AUTS2: variants seen among roughly 807,000 people sequenced by gnomAD.
AUTS2 encodes the protein activator of transcription and developmental regulator AUTS2, also known as autism susceptibility gene 2 protein.
Under a neutral mutation model 112.4 loss-of-function variants are expected in AUTS2, and 17 were observed. The ratio of observed to expected loss-of-function variants is 0.15; its 90% CI spans 0.10 to 0.23. The LOEUF (loss-of-function observed/expected upper bound fraction) is 0.23. AUTS2 is among the 10% of genes least tolerant of loss of function. The probability of loss-of-function intolerance (pLI) is 1.00; values close to 1 mark genes in which losing one functional copy is unlikely to be tolerated. For synonymous variants in AUTS2, 751 were observed against 702.7 expected (o/e 1.07, Z -1.09); for missense variants, 1,510 against 1,701.6 (o/e 0.89, Z 1.98).
At chr7:70,302,429 AG>A (rs1789260519) in intron 4 of AUTS2, among the ~76,000 whole-genome samples, 1 of 152,086 alleles carries the variant, frequency 6.6e-6, no homozygotes, top group African/African-American at 2.4e-5. Context: ...AGTGAGTCAT[AG>A]TTATACTAAA....
intron 1 of AUTS2, among the ~76,000 whole-genome samples, chr7:69,716,465 T>G (rs765886749): frequency 2.0e-5 from 3 of 152,124 alleles, no homozygotes; most frequent in African/African-American, 4.8e-5. Context: ...TTCTGAGAGA[T>G]AGTGAAAAAT....
intron 4 of AUTS2, among the ~76,000 whole-genome samples, chr7:70,270,929 A>G (rs758612157): frequency 3.9e-5 from 6 of 152,128 alleles, no homozygotes; most frequent in Non-Finnish European, 8.8e-5. Context: ...CTGAAGACAG[A>G]AGTCCTTGAG....
chr7:70,662,520 C>T (rs1481856144), intron 5 of AUTS2, among the ~76,000 whole-genome samples: 1 of 152,178 alleles, frequency 6.6e-6, no homozygotes, highest in Non-Finnish European at 1.5e-5. Flanking sequence ...GTAACTGTAT[C>T]TAGGGCCTGA....
At chr7:69,794,478 T>C (rs138124021) in intron 1 of AUTS2, among the ~76,000 whole-genome samples, 1 of 152,304 alleles carries the variant, frequency 6.6e-6, no homozygotes, top group Non-Finnish European at 1.5e-5. Context: ...TGCAGCTGCA[T>C]TCGTTTTGTG....
At chr7:70,205,348 T>C (rs1009029804) in intron 4 of AUTS2, among the ~76,000 whole-genome samples, 1 of 152,152 alleles carries the variant, frequency 6.6e-6, no homozygotes, top group Non-Finnish European at 1.5e-5. Context: ...GTCCCACCAA[T>C]CTATTATTAT....
At chr7:69,737,310 G>A (rs936373685) in intron 1 of AUTS2, among the ~76,000 whole-genome samples, 1 of 152,098 alleles carries the variant, frequency 6.6e-6, no homozygotes, top group Non-Finnish European at 1.5e-5. Context: ...ACCAAGTACT[G>A]TGCTAAGTGC....
intron 4 of AUTS2, among the ~76,000 whole-genome samples, chr7:70,355,665 A>G (rs1659286772): frequency 6.6e-6 from 1 of 152,160 alleles, no homozygotes; most frequent in African/African-American, 2.4e-5. Flanking sequence ...AGCAGAGTGT[A>G]TAATGGTGTT....
intron 2 of AUTS2, among the ~76,000 whole-genome samples, chr7:70,076,496 C>T (rs1022967362): frequency 6.6e-6 from 1 of 152,146 alleles, no homozygotes; most frequent in Non-Finnish European, 1.5e-5. Context: ...TAAGTGAGGA[C>T]TTACTGTAGT....
At chr7:70,027,456 C>G (rs945631019) in intron 2 of AUTS2, among the ~76,000 whole-genome samples, 12 of 152,168 alleles carry the variant, frequency 7.9e-5, no homozygotes, top group Non-Finnish European at 1.8e-4. Context: ...AAGTCTTCAT[C>G]CAGCCCCTAT....
Position 70,068,374 on chromosome 7 carries a change from C to T in AUTS2, c.523-49758C>T, listed in dbSNP as rs187813995. On this transcript the variant is annotated intron_variant, in intron 2 of 18. Coordinates refer to ENST00000342771, the MANE Select transcript of AUTS2 (RefSeq NM_015570.4). ...TTTTTTTTTGTATTTTTAGTGGAAA[C>T]GGAGTTTAACCGTGTTAGCCAGGAT... Among the ~76,000 whole-genome samples, 7 of 151,180 alleles carry T rather than the reference C, an allele frequency of 4.6e-5. No individual in the cohort carries two copies. In the East Asian group the frequency reaches 9.7e-4, roughly 21 times the overall value.
intron 1 of AUTS2, among the ~76,000 whole-genome samples, chr7:69,800,511 G>A (rs1436518596): frequency 1.3e-5 from 2 of 152,072 alleles, no homozygotes; most frequent in Non-Finnish European, 2.9e-5. Flanking sequence ...CACACTATTG[G>A]GGTGACATTG....
intron 5 of AUTS2, among the ~76,000 whole-genome samples, chr7:70,554,384 C>A (rs908827706): frequency 5.0e-5 from 7 of 140,654 alleles, no homozygotes; most frequent in African/African-American, 1.6e-4. Context: ...TTTTTCTTTT[C>A]TTTTCTTTCT....
At chr7:69,751,868 A>C (rs879272597) in intron 1 of AUTS2, among the ~76,000 whole-genome samples, 1 of 152,200 alleles carries the variant, frequency 6.6e-6, no homozygotes, top group African/African-American at 2.4e-5. Context: ...GATAGCTTGT[A>C]GTTAAAATAG....
chr7:69,805,000 A>G (rs1020514302), intron 1 of AUTS2, among the ~76,000 whole-genome samples: 1 of 152,198 alleles, frequency 6.6e-6, no homozygotes, highest in African/African-American at 2.4e-5. Flanking sequence ...AGCTTGTAAC[A>G]GTTGATATTT....
chr7:70,483,169 A>G (rs1248903840), intron 5 of AUTS2, among the ~76,000 whole-genome samples: 1 of 152,026 alleles, frequency 6.6e-6, no homozygotes, highest in Non-Finnish European at 1.5e-5. Context: ...GCCTTTTCCC[A>G]CCAGGGGAGC....
intron 5 of AUTS2, among the ~76,000 whole-genome samples, chr7:70,521,168 G>GA (rs1799629361): frequency 6.6e-6 from 1 of 152,138 alleles, no homozygotes; most frequent in Non-Finnish European, 1.5e-5. Context: ...GGAGAAAAAA[G>GA]ACCCCAGGCT....
chr7:70,571,867 A>G (rs955672385), intron 5 of AUTS2, among the ~76,000 whole-genome samples: 1 of 152,182 alleles, frequency 6.6e-6, no homozygotes. Flanking sequence ...TCTAGCAGCC[A>G]TCATGAGGTG....
chr7:70,440,536 G>A (rs1265369731), intron 5 of AUTS2, among the ~76,000 whole-genome samples: 1 of 152,146 alleles, frequency 6.6e-6, no homozygotes, highest in Non-Finnish European at 1.5e-5. Context: ...TGAAAAAAGA[G>A]GAAGACTAGC....
chr7:70,252,370 A>G (rs1396412855), intron 4 of AUTS2, among the ~76,000 whole-genome samples: 1 of 152,090 alleles, frequency 6.6e-6, no homozygotes, highest in East Asian at 1.9e-4. Flanking sequence ...GCATTTTTTC[A>G]TATGTCTGAT....
Sources: gnomAD v4.1 joint callset for allele counts (sites outside exome capture counted in the v4.1 genomes callset) on GRCh38, gnomAD v4.1.1 for gene constraint, MANE v1.5 for transcripts, NCBI Gene and HGNC (gene_info 2026-07-23, HGNC 2026-07-21) for gene names.